The following DLGAP2 variants were observed in gnomAD, a reference collection of about 807,000 sequenced individuals.
DLGAP2 encodes disks large-associated protein 2.
A neutral mutation model predicts 100.3 loss-of-function variants in DLGAP2; 26 were observed. That is an observed-to-expected ratio of 0.26 (90% CI 0.19 to 0.36). DLGAP2 has a LOEUF of 0.36. Ranked by LOEUF, DLGAP2 falls within the 10% of genes least tolerant of loss-of-function variation. DLGAP2 has a pLI of 1.00. For missense variants in DLGAP2, 1,858 were observed against 1,453.2 expected (o/e 1.28, Z -4.53); for synonymous variants, 886 against 630.1 (o/e 1.41, Z -6.08).
intron 2 of DLGAP2, among the ~76,000 whole-genome samples, chr8:1,108,411 C>T (rs552418137): frequency 6.6e-6 from 1 of 152,332 alleles, no homozygotes; most frequent in Admixed American, 6.5e-5. Flanking sequence ...GTGATTGAAG[C>T]CGTCATGTAA....
At chr8:1,686,529 A>G (rs1320954493) in intron 12 of DLGAP2, among the ~76,000 whole-genome samples, 1 of 152,140 alleles carries the variant, frequency 6.6e-6, no homozygotes, top group African/African-American at 2.4e-5. Flanking sequence ...TTAGCCAGGC[A>G]TGGTGGCGCA....
At chr8:953,232 T>C (rs889969644) in intron 2 of DLGAP2, among the ~76,000 whole-genome samples, 9 of 152,184 alleles carry the variant, frequency 5.9e-5, no homozygotes, top group Non-Finnish European at 2.9e-5. Flanking sequence ...TTTCGCTCCA[T>C]TGCCCAGGCT....
intron 3 of DLGAP2, among the ~76,000 whole-genome samples, chr8:1,469,664 C>T (rs957306005): frequency 2.6e-5 from 4 of 152,308 alleles, no homozygotes; most frequent in South Asian, 2.1e-4. Flanking sequence ...ATGATTCTCA[C>T]GTCAGAAGCA....
At chr8:1,024,920 A>G (rs1174802338) in intron 2 of DLGAP2, among the ~76,000 whole-genome samples, 2 of 152,186 alleles carry the variant, frequency 1.3e-5, no homozygotes, top group African/African-American at 2.4e-5. Context: ...TTGGCGTGGC[A>G]GAGTCTGGAA....
chr8:1,017,714 G>A (rs889306078), intron 2 of DLGAP2, among the ~76,000 whole-genome samples: 8 of 152,164 alleles, frequency 5.3e-5, no homozygotes, highest in African/African-American at 1.9e-4. Flanking sequence ...ACCCAGGGCT[G>A]TAGAAGCAGG....
At chr8:857,251 A>G (rs932915752) in intron 1 of DLGAP2, among the ~76,000 whole-genome samples, 8 of 152,226 alleles carry the variant, frequency 5.3e-5, no homozygotes, top group South Asian at 2.1e-4. Flanking sequence ...CTAGGAGACA[A>G]TGTGGGAGAA....
chr8:1,559,502 C>A (rs1802086566), intron 5 of DLGAP2, among the ~76,000 whole-genome samples: 1 of 152,196 alleles, frequency 6.6e-6, no homozygotes. Context: ...CTCTGGTTGA[C>A]ATTCTTTCTG....
chr8:1,109,976 C>T lies in DLGAP2; in HGVS notation c.74-148875C>T, dbSNP rs558325632. ...ACGTGCTGGGTCTGTGAGGTGTGTA[C>T]GGGTCTGTGAGGTGTGCATGGGTCT... On this transcript the variant is annotated intron_variant, in intron 2 of 14. Coordinates refer to ENST00000637795, the MANE Select transcript of DLGAP2 (RefSeq NM_001346810.2). 6.0e-4 allele frequency among the ~76,000 whole-genome samples: 55 copies of T among 91,232 alleles called. No homozygotes were observed. The South Asian group carries it at 6.4e-3, about 11-fold the overall frequency. The allele number at this position is 91,232 out of a possible 152,430, so 59.9% of individuals were successfully genotyped here.
intron 11 of DLGAP2, 31 bp from the exon 12 acceptor site, chr8:1,678,183 T>C (rs1234272204): frequency 6.3e-7 from 1 of 1,580,442 alleles, no homozygotes; most frequent in Non-Finnish European, 8.6e-7. Flanking sequence ...TCAGAAGGGC[T>C]ACCATCTGTC....
chr8:1,108,039 G>A (rs1804833987), intron 2 of DLGAP2, among the ~76,000 whole-genome samples: 1 of 152,148 alleles, frequency 6.6e-6, no homozygotes, highest in Non-Finnish European at 1.5e-5. Flanking sequence ...AAACCAACTT[G>A]CGTGTTTTCT....
chr8:1,605,296 T>A (rs1424104096), intron 6 of DLGAP2, among the ~76,000 whole-genome samples: 4 of 152,068 alleles, frequency 2.6e-5, no homozygotes, highest in South Asian at 2.1e-4. Context: ...GTGGACCAAT[T>A]TGAGCCGAAG....
At chr8:897,473 G>C (rs1332305242) in intron 1 of DLGAP2, among the ~76,000 whole-genome samples, 1 of 152,214 alleles carries the variant, frequency 6.6e-6, no homozygotes, top group Non-Finnish European at 1.5e-5. Flanking sequence ...CTTCCTCACA[G>C]TTGTAAAAAT....
intron 4 of DLGAP2, among the ~76,000 whole-genome samples, chr8:1,545,242 G>C (rs906905880): frequency 6.6e-6 from 1 of 152,122 alleles, no homozygotes; most frequent in Non-Finnish European, 1.5e-5. Flanking sequence ...GAATTCACCT[G>C]TGACACCATC....
At position 854,859 on chromosome 8, in the gene DLGAP2, A is replaced by G. The variant is rs1392313460; in HGVS notation, c.19-53053A>G. On this transcript the variant is annotated intron_variant, in intron 1 of 14. Coordinates refer to ENST00000637795, the MANE Select transcript of DLGAP2 (RefSeq NM_001346810.2). Reference sequence around the variant, plus strand: ...GAAGCTCTGGAGAAAAGCTTCCCACATGGGAAATGCTCCCACAGGTATCAG... The same window carrying G: ...GAAGCTCTGGAGAAAAGCTTCCCACGTGGGAAATGCTCCCACAGGTATCAG... Among the ~76,000 whole-genome samples, 7 of 152,352 alleles carry G rather than the reference A, an allele frequency of 4.6e-5. No individual in the cohort carries two copies. The East Asian group carries it at 9.6e-4, about 21-fold the overall frequency.
chr8:988,593 C>T (rs546484113), intron 2 of DLGAP2, among the ~76,000 whole-genome samples: 1 of 152,316 alleles, frequency 6.6e-6, no homozygotes, highest in East Asian at 1.9e-4. Flanking sequence ...GCCTCAGCCT[C>T]CTCCCTTCCA....
At chr8:1,320,910 C>T (rs1800883517) in intron 3 of DLGAP2, among the ~76,000 whole-genome samples, 1 of 151,978 alleles carries the variant, frequency 6.6e-6, no homozygotes, top group Non-Finnish European at 1.5e-5. Context: ...TGTGTAGGGG[C>T]ATGTGTGTGC....
intron 12 of DLGAP2, among the ~76,000 whole-genome samples, chr8:1,681,041 G>C (rs1369511000): frequency 6.6e-6 from 1 of 151,926 alleles, no homozygotes; most frequent in Non-Finnish European, 1.5e-5. Context: ...GAGGAGGAGA[G>C]AGGAAAAAAT....
intron 3 of DLGAP2, among the ~76,000 whole-genome samples, chr8:1,427,824 G>A (rs1394555027): frequency 6.6e-6 from 1 of 152,158 alleles, no homozygotes; most frequent in Non-Finnish European, 1.5e-5. Flanking sequence ...TTTGTAAATT[G>A]CCCAGTCTTG....
In DLGAP2 at chr8:1,021,285, C is replaced by T. The variant is rs529050094; in HGVS notation, c.73+113319C>T. Among the ~76,000 whole-genome samples, 5 of 152,214 alleles carry T rather than the reference C, an allele frequency of 3.3e-5. No individual in the cohort carries two copies. In the South Asian group the frequency reaches 8.3e-4, roughly 25 times the overall value. ...TCCAGGTGTACAGATTATAAGCTGC[C>T]AGCCCTAAAATACGATATATTTTGG... On this transcript the variant is annotated intron_variant, in intron 2 of 14. Coordinates refer to ENST00000637795, the MANE Select transcript of DLGAP2 (RefSeq NM_001346810.2).
Sources: gnomAD v4.1 joint callset for allele counts (sites outside exome capture counted in the v4.1 genomes callset) on GRCh38, gnomAD v4.1.1 for gene constraint, MANE v1.5 for transcripts, NCBI Gene and HGNC (gene_info 2026-07-23, HGNC 2026-07-21) for gene names.